Variants in CCDC28B observed in about 807,000 individuals in gnomAD.
CCDC28B encodes the protein coiled-coil domain-containing protein 28B.
A neutral mutation model predicts 18.7 loss-of-function variants in CCDC28B; 17 were observed. That is an observed-to-expected ratio of 0.91 (90% CI 0.62 to 1.36). The LOEUF (loss-of-function observed/expected upper bound fraction) is 1.36. CCDC28B is among the 40% of genes most tolerant of loss of function. The probability of loss-of-function intolerance (pLI) is 0.00; values close to 1 mark genes in which losing one functional copy is unlikely to be tolerated. For synonymous variants in CCDC28B, 116 were observed against 105.1 expected (o/e 1.10, Z -0.64); for missense variants, 213 against 251.7 (o/e 0.85, Z 1.04).
chr1:32,196,781 T>C (rs1196715791), upstream of CCDC28B: 1 of 152,290 alleles, frequency 6.6e-6, no homozygotes, highest in Non-Finnish European at 1.5e-5. Context: ...CCCACTCTTT[T>C]AGCCCTTACC....
rs1643241802 is a variant in CCDC28B, at chr1:32,204,278, G to T, written c.424G>T (p.Glu142Ter). The T allele has an allele frequency of 6.2e-7, 1 of 1,614,032 alleles. No homozygotes were observed. The highest frequency in any genetic ancestry group is 2.2e-5 in the East Asian group (1 of 44,882). ...LHFSLDVCGEEEDDEEEEDGV... is the reference protein window; with the variant it reads ...LHFSLDVCGE ...CTTCAGCCTGGATGTGTGTGGGGAG[G>T]AGGAGGACGATGAAGAGGAAGAGGA... is the stretch of plus-strand genomic sequence containing the variant. The change falls in exon 4 of 6, where the codon GAG becomes TAG. Residue 142 changes from glutamate (E) to a stop codon, truncating the protein, a stop_gained. Transcript: ENST00000373602. LOFTEE classifies it high-confidence loss of function.
Position 32,205,181 on chromosome 1 carries a change from T to C in CCDC28B, c.549-13T>C, listed in dbSNP as rs747156695. 23 of 1,613,614 alleles carry C rather than the reference T, an allele frequency of 1.4e-5. No individual in the cohort carries two copies. Among genetic ancestry groups the C allele is most frequent in the Admixed American group, 1.3e-4 (8 of 59,974 alleles). On this transcript the variant is annotated splice_polypyrimidine_tract_variant and intron_variant, in intron 5 of 5. Coordinates refer to ENST00000373602, the MANE Select transcript of CCDC28B (RefSeq NM_024296.5). The surrounding 1 kb of genome is among the most constrained non-coding windows in gnomAD (Gnocchi z 5.6). ...GGACTGGTCCAAAGCGCCACGATCC[T>C]TGACGGGCACAGCCAGAAGCTGCAC... is the stretch of plus-strand genomic sequence containing the variant.
rs1643281280 is a variant in CCDC28B, at chr1:32,205,107, A to G, written c.549-87A>G. ...GACCCTCGTCCCCGGCCCTTTGCAC[A>G]GGTGAGGGAACTAAACCTGTGCAAG... On this transcript the variant is annotated intron_variant, in intron 5 of 5. Transcript: ENST00000373602. This position sits in a 1 kb window ranked among gnomAD's most constrained non-coding sequence, Gnocchi z 5.6. 2.0e-6 allele frequency: 3 copies of G among 1,522,986 alleles called. No homozygotes were observed. The highest frequency in any genetic ancestry group is 2.7e-6 in the Non-Finnish European group (3 of 1,113,628). The allele number at this position is 1,522,986 out of a possible 1,614,324, so 94.3% of individuals were successfully genotyped here.
Position 32,201,925 on chromosome 1 carries a change from G to A in CCDC28B, c.-11G>A, listed in dbSNP as rs1292693042. 2 of 1,591,402 alleles carry A rather than the reference G, an allele frequency of 1.3e-6. No homozygotes were observed. The highest frequency in any genetic ancestry group is 3.7e-5 in the Admixed American group (2 of 54,470). ...GCTTCCCTCCTAGGCCTGAGGCCCA[G>A]CCAGCGCCCAATGGATGACAAAAAG... On this transcript the variant is annotated 5_prime_UTR_variant, in exon 2 of 6. Transcript: ENST00000373602.
At chr1:32,202,416 AG>A (rs1372827190) in intron 2 of CCDC28B, 2 of 485,016 alleles carry the variant, frequency 4.1e-6, no homozygotes, top group Non-Finnish European at 8.0e-6. Flanking sequence ...ATTACCTGAA[AG>A]GTTTCAGGAA....
intron 1 of CCDC28B, 33 bp downstream of exon 1, chr1:32,200,742 G>T (rs1289509260): frequency 1.3e-5 from 2 of 152,280 alleles, no homozygotes; most frequent in African/African-American, 4.8e-5. Flanking sequence ...GAGGGCGGGG[G>T]CGGAATGACG....
intron 2 of CCDC28B, 122 bp from the exon 3 acceptor site, chr1:32,203,757 G>C (rs752877740): frequency 1.9e-4 from 132 of 702,116 alleles, no homozygotes; most frequent in Non-Finnish European, 2.6e-4. Context: ...CTAGTAAGTA[G>C]ATGGGCAGAT....
chr1:32,202,336 T>G (rs1396493660), intron 2 of CCDC28B: 1 of 677,324 alleles, frequency 1.5e-6, no homozygotes. Context: ...GAGGAGGGAG[T>G]GAGCAACTCT....
rs529827123 is a variant in CCDC28B at position 32,202,224 on chromosome 1, C to A, written c.164+125C>A. 1.1e-5 allele frequency: 14 copies of A among 1,249,754 alleles called. No individual in the cohort carries two copies. The East Asian group carries it at 3.5e-4, about 31-fold the overall frequency. The allele number at this position is 1,249,754 out of a possible 1,614,324, so 77.4% of individuals were successfully genotyped here. ...AATTGATGCCTTTCTGGAGCAGACC[C>A]CTGAGAACTCAGAGCTCACTCAGAC... On this transcript the variant is annotated intron_variant, in intron 2 of 5. Coordinates refer to ENST00000373602, the MANE Select transcript of CCDC28B (RefSeq NM_024296.5).
At chr1:32,201,499 C>T (rs556233721) in intron 1 of CCDC28B, among the ~76,000 whole-genome samples, 12 of 152,150 alleles carry the variant, frequency 7.9e-5, no homozygotes, top group Admixed American at 3.3e-4. Flanking sequence ...TTAGCATCTG[C>T]TTAGGCCCCT....
intron 5 of CCDC28B, chr1:32,204,989 C>T (rs1224449366): frequency 6.5e-6 from 8 of 1,222,676 alleles, no homozygotes. Context: ...CGCGCACACA[C>T]CCCAGTGTGT....
Position 32,202,090 on chromosome 1 carries a change from A to G in CCDC28B, c.155A>G (p.Lys52Arg), listed in dbSNP as rs1643159550. The G allele has an allele frequency of 1.2e-6, 2 of 1,612,662 alleles. No homozygotes were observed. Among genetic ancestry groups the G allele is most frequent in the Admixed American group, 1.7e-5 (1 of 59,870 alleles). The part of the protein sequence containing the change: ...PHLPSPKQRA[K>R]FKRVGKEKCR... ...CTGCCATCCCCCAAGCAGCGGGCCAAGTTCAAGAGGTGGGTACAGAAGGGA... is the reference window on the plus strand; with the variant it reads ...CTGCCATCCCCCAAGCAGCGGGCCAGGTTCAAGAGGTGGGTACAGAAGGGA... The change falls in exon 2 of 6, where the codon AAG becomes AGG. Residue 52 changes from lysine to arginine, a missense_variant. Transcript: ENST00000373602.
chr1:32,204,789 C>G, intron 5 of CCDC28B, 169 bp downstream of exon 5: 2 of 1,603,284 alleles, frequency 1.2e-6, no homozygotes, highest in South Asian at 2.2e-5. Flanking sequence ...TAGAATTTCC[C>G]CAAAATTAGA....
chr1:32,205,111 G>A lies in CCDC28B; in HGVS notation c.549-83G>A. On this transcript the variant is annotated intron_variant, in intron 5 of 5. Transcript: ENST00000373602. The surrounding 1 kb of genome is among the most constrained non-coding windows in gnomAD (Gnocchi z 5.6). Reference sequence around the variant, plus strand: ...CTCGTCCCCGGCCCTTTGCACAGGTGAGGGAACTAAACCTGTGCAAGATGG... The same window carrying A: ...CTCGTCCCCGGCCCTTTGCACAGGTAAGGGAACTAAACCTGTGCAAGATGG... The A allele has an allele frequency of 6.5e-7, 1 of 1,541,384 alleles. No homozygotes were observed. Among genetic ancestry groups the A allele is most frequent in the South Asian group, 1.2e-5 (1 of 86,918 alleles).
upstream of CCDC28B, among the ~76,000 whole-genome samples, chr1:32,199,779 G>T (rs1643108623): frequency 6.6e-6 from 1 of 152,208 alleles, no homozygotes; most frequent in Admixed American, 6.5e-5. Flanking sequence ...CAGCTCACTT[G>T]AGCCTGCTGA....
At position 32,200,653 on chromosome 1, in the gene CCDC28B, G is replaced by C. The variant is rs928921231; in HGVS notation, c.-80G>C. ...ACCCGGTGGTGTTCCCGGGAGGAGA[G>C]GGCGGAGGGCGGAGGGAACTTGCAC... On this transcript the variant is annotated 5_prime_UTR_variant, in exon 1 of 6. Transcript: ENST00000373602. The C allele has an allele frequency of 3.3e-5, 5 of 152,256 alleles. No individual in the cohort carries two copies. Among genetic ancestry groups the C allele is most frequent in the African/African-American group, 1.2e-4 (5 of 41,428 alleles). The allele number at this position is 152,256 out of a possible 1,614,324, so 9.4% of individuals were successfully genotyped here. A position where few individuals can be genotyped will look rare whatever the true frequency, so the allele number is the denominator to read the frequency against.
At chr1:32,202,487 G>T in intron 2 of CCDC28B, 2 of 370,378 alleles carry the variant, frequency 5.4e-6, no homozygotes, top group African/African-American at 2.1e-5. Context: ...GGAAATACCT[G>T]GGGGCACAAT....
At position 32,204,349 on chromosome 1, in the gene CCDC28B, T is replaced by C. The variant is rs1232967521; in HGVS notation, c.495T>C (p.Ala165=). Residue 165 remains alanine, a synonymous_variant, in exon 4 of 6, where the codon GCT becomes GCC. Transcript: ENST00000373602. ...CAGAGGAGCAGAAGAAGACAATGGC[T>C]GACCGTAACCTGGACCAGCTGCTTA... ...GLPEEQKKTM[A]DRNLDQLLSN... is the part of the protein sequence containing the mutation. 7 of 1,598,638 alleles carry C rather than the reference T, an allele frequency of 4.4e-6. No homozygotes were observed. Among genetic ancestry groups the C allele is most frequent in the East Asian group, 4.5e-5 (2 of 44,798 alleles).
At chr1:32,201,356 G>A (rs1209178326) in intron 1 of CCDC28B, among the ~76,000 whole-genome samples, 1 of 152,152 alleles carries the variant, frequency 6.6e-6, no homozygotes, top group East Asian at 1.9e-4. Flanking sequence ...AGGGATGCCG[G>A]TGTCTATGTG....
Sources: allele counts gnomAD v4.1 joint callset (sites outside exome capture counted in the v4.1 genomes callset), GRCh38; gene constraint gnomAD v4.1.1; non-coding constraint Gnocchi (gnomAD v3.1); transcripts MANE v1.5; gene names NCBI Gene and HGNC (gene_info 2026-07-23, HGNC 2026-07-21).